AFG1L: variants seen among roughly 807,000 people sequenced by gnomAD.
AFG1L encodes AFG1-like ATPase.
Under a neutral mutation model 62.2 loss-of-function variants are expected in AFG1L, and 53 were observed. The observed-to-expected ratio is 0.85, with a 90% CI of 0.68 to 1.07. The LOEUF (loss-of-function observed/expected upper bound fraction) is 1.07, where lower values mean the gene tolerates loss of function less well. Ranked by LOEUF, AFG1L falls within the 50% of genes least tolerant of loss-of-function variation. The pLI, the probability that AFG1L is intolerant of heterozygous loss-of-function variation, is 0.00. For missense variants in AFG1L, 555 were observed against 590.5 expected (o/e 0.94, Z 0.62); for synonymous variants, 228 against 210.3 (o/e 1.08, Z -0.73).
At chr6:108,477,392 A>G (rs1160737969) in intron 10 of AFG1L, 100 bp downstream of exon 10, 2 of 624,190 alleles carry the variant, frequency 3.2e-6, no homozygotes, top group African/African-American at 3.7e-5. Flanking sequence ...TACCATTCAC[A>G]GAGTCAGAAT....
At chr6:108,476,414 C>T (rs1773106356) in intron 8 of AFG1L, among the ~76,000 whole-genome samples, 1 of 152,182 alleles carries the variant, frequency 6.6e-6, no homozygotes, top group African/African-American at 2.4e-5. Context: ...AGGTTTGATC[C>T]TCTCAGTCAG....
At chr6:108,314,218 C>T (rs113720831) in intron 1 of AFG1L, among the ~76,000 whole-genome samples, 4,370 of 151,622 alleles carry the variant, frequency 0.029, 196 homozygotes, top group African/African-American at 0.1. Flanking sequence ...GCAACAAGGG[C>T]GGAACTCTAT....
At chr6:108,397,993 T>TA (rs1781393939) in intron 6 of AFG1L, among the ~76,000 whole-genome samples, 2 of 152,200 alleles carry the variant, frequency 1.3e-5, no homozygotes, top group South Asian at 4.1e-4. Context: ...CTGGATCATG[T>TA]AGTAGCTCTT....
intron 7 of AFG1L, among the ~76,000 whole-genome samples, chr6:108,404,883 C>T (rs1035120797): frequency 6.6e-6 from 1 of 151,896 alleles, no homozygotes; most frequent in African/African-American, 2.4e-5. Context: ...GCACACACCA[C>T]CACACCAGGC....
chr6:108,334,253 C>T (rs1395300630), intron 2 of AFG1L, among the ~76,000 whole-genome samples: 1 of 152,180 alleles, frequency 6.6e-6, no homozygotes, highest in Admixed American at 6.5e-5. Context: ...ATGATTGCCA[C>T]ATCAGCCTCC....
At chr6:108,324,942 C>CT (rs1777980131) in intron 2 of AFG1L, among the ~76,000 whole-genome samples, 2 of 152,164 alleles carry the variant, frequency 1.3e-5, no homozygotes, top group Admixed American at 1.3e-4. Context: ...ATCCACCTGT[C>CT]TCGGCCACCC....
At chr6:108,399,924 A>G (rs1428566638) in intron 6 of AFG1L, among the ~76,000 whole-genome samples, 1 of 151,312 alleles carries the variant, frequency 6.6e-6, no homozygotes, top group African/African-American at 2.4e-5. Context: ...GGCTACAGGC[A>G]CATGCCACCA....
chr6:108,424,633 G>T (rs1241119456), intron 7 of AFG1L, among the ~76,000 whole-genome samples: 1 of 151,998 alleles, frequency 6.6e-6, no homozygotes, highest in Admixed American at 6.6e-5. Context: ...GAGATATATT[G>T]TAATATATAT....
At chr6:108,487,198 C>T (rs1773604562) in intron 10 of AFG1L, among the ~76,000 whole-genome samples, 1 of 152,148 alleles carries the variant, frequency 6.6e-6, no homozygotes, top group South Asian at 2.1e-4. Context: ...CAGTCATTAA[C>T]TCAAATACTG....
chr6:108,494,288 A>G (rs1300292606), intron 10 of AFG1L, among the ~76,000 whole-genome samples: 1 of 151,950 alleles, frequency 6.6e-6, no homozygotes, highest in Non-Finnish European at 1.5e-5. Context: ...CAGTTTCAGG[A>G]TCCCCAGAAT....
At chr6:108,453,899 T>C (rs1772155210) in intron 8 of AFG1L, among the ~76,000 whole-genome samples, 1 of 152,188 alleles carries the variant, frequency 6.6e-6, no homozygotes, top group African/African-American at 2.4e-5. Flanking sequence ...AGCCCAGTCA[T>C]TTCCTGTTTC....
chr6:108,490,512 T>C lies in AFG1L; in HGVS notation c.1062+13220T>C, dbSNP rs544888863. Among the ~76,000 whole-genome samples the C allele has an allele frequency of 6.6e-5, 10 of 152,394 alleles. No individual in the cohort carries two copies. In the South Asian group the frequency reaches 2.1e-3, roughly 32 times the overall value. ...CTTACTGCTTTTTAGCCTTAGCATA[T>C]GTGAAAAACTGTAAGTTGTAAATTA... On this transcript the variant is annotated intron_variant, in intron 10 of 12. Transcript: ENST00000368977.
chr6:108,423,837 A>G (rs1323775191), intron 7 of AFG1L, among the ~76,000 whole-genome samples: 1 of 152,034 alleles, frequency 6.6e-6, no homozygotes, highest in East Asian at 1.9e-4. Context: ...GAACTTTGTA[A>G]TTTGTCTCTA....
chr6:108,405,505 C>T (rs1781812038), intron 7 of AFG1L, among the ~76,000 whole-genome samples: 1 of 152,078 alleles, frequency 6.6e-6, no homozygotes, highest in Non-Finnish European at 1.5e-5. Flanking sequence ...TTCCACCATG[C>T]CCAGCTAATT....
intron 5 of AFG1L, among the ~76,000 whole-genome samples, chr6:108,363,327 T>C (rs991157530): frequency 3.2e-4 from 49 of 152,272 alleles, no homozygotes; most frequent in Middle Eastern, 3.4e-3. Flanking sequence ...ACCCAGGTAC[T>C]AAGTCTAGTA....
chr6:108,431,597 C>CTTTTTTTTTTTT (rs5878977), intron 7 of AFG1L, among the ~76,000 whole-genome samples: 1 of 98,438 alleles, frequency 1.0e-5, no homozygotes, highest in African/African-American at 4.0e-5. Flanking sequence ...TTCTTTGTTG[C>CTTTTTTTTTTTT]TTTTTTTTTT....
chr6:108,428,556 C>T (rs1347786359), intron 7 of AFG1L, among the ~76,000 whole-genome samples: 2 of 152,210 alleles, frequency 1.3e-5, no homozygotes, highest in Admixed American at 6.5e-5. Flanking sequence ...TAGTAATTTA[C>T]ATTCCCACGA....
intron 2 of AFG1L, among the ~76,000 whole-genome samples, chr6:108,330,488 C>A (rs539918493): frequency 1.7e-4 from 26 of 152,154 alleles, no homozygotes; most frequent in African/African-American, 5.8e-4. Flanking sequence ...AATTCCTTTT[C>A]TTTATAAATT....
At chr6:108,516,086 G>C (rs1020959250) in intron 11 of AFG1L, among the ~76,000 whole-genome samples, 1 of 142,628 alleles carries the variant, frequency 7.0e-6, no homozygotes, top group Non-Finnish European at 1.5e-5. Context: ...GGAGGAGCTG[G>C]TACCATTCCT....
Sources: gnomAD v4.1 joint callset for allele counts (sites outside exome capture counted in the v4.1 genomes callset) on GRCh38, gnomAD v4.1.1 for gene constraint, MANE v1.5 for transcripts, NCBI Gene and HGNC (gene_info 2026-07-23, HGNC 2026-07-21) for gene names.